The following IRS2 variants were observed in gnomAD, a reference collection of about 807,000 sequenced individuals.
IRS2 encodes insulin receptor substrate 2.
In IRS2, 28 loss-of-function variants were observed where a neutral mutation model predicts 70.9. The observed-to-expected ratio is 0.39, with a 90% CI of 0.29 to 0.54. IRS2 has a LOEUF of 0.54. Ranked by LOEUF, IRS2 falls within the 20% of genes least tolerant of loss-of-function variation. The pLI, the probability that IRS2 is intolerant of heterozygous loss-of-function variation, is 0.59. For missense variants in IRS2, 2,081 were observed against 2,024.1 expected, an observed-to-expected ratio of 1.03 and a Z score of -0.54; for synonymous variants, 1,217 against 981.9, an observed-to-expected ratio of 1.24 and a Z score of -4.48.
chr13:109,757,511 A>G (rs1877132346), intron 1 of IRS2, among the ~76,000 whole-genome samples: 1 of 152,152 alleles, frequency 6.6e-6, no homozygotes, highest in Non-Finnish European at 1.5e-5. Flanking sequence ...TGAAGCTGAG[A>G]GTGAGTCCCT....
In IRS2 at chr13:109,783,397, C is replaced by A. The variant is rs750437142; in HGVS notation, c.2657G>T (p.Arg886Leu). Reference protein sequence around the residue: ...RPEGFLGQRGRAVRPTRLSLE... With the variant: ...RPEGFLGQRGLAVRPTRLSLE... ...GGACAGGCGCGTGGGCCTCACCGCC[C>A]GGCCGCGCTGGCCCAAGAAGCCCTC... Residue 886 changes from arginine (R) to leucine (L), a missense_variant, in exon 1 of 2, where the codon CGG becomes CTG. Arg to Leu is a moderately radical substitution (Grantham distance 102). This residue lies in a region of IRS2 where 1,615 missense variants were observed against 1,459.5 expected (regional missense o/e 1.11). Transcript: ENST00000375856. 4.0e-5 allele frequency: 60 copies of A among 1,482,304 alleles called. No homozygotes were observed. In the South Asian group the frequency reaches 7.6e-4, roughly 19 times the overall value. The allele number at this position is 1,482,304 out of a possible 1,614,324, so 91.8% of individuals were successfully genotyped here. A position where few individuals can be genotyped will look rare whatever the true frequency, so the allele number is the denominator to read the frequency against.
At position 109,782,941 on chromosome 13, in the gene IRS2, G is replaced by C. The variant is rs2138931139; in HGVS notation, c.3113C>G (p.Pro1038Arg). The C allele has an allele frequency of 6.8e-7, 1 of 1,461,070 alleles. No homozygotes were observed. Among genetic ancestry groups the C allele is most frequent in the Non-Finnish European group, 9.0e-7 (1 of 1,109,940 alleles). 90.5% of individuals were successfully genotyped at this position (1,461,070 alleles called of 1,614,324 possible). ...SLQPPPPPPAPGELYRLPPAS... is the reference protein window; with the variant it reads ...SLQPPPPPPARGELYRLPPAS... ...GGGGGGCAGGCGGTACAGCTCCCCCGGGGCCGGCGGCGGTGGCGGCGGCTG... is the reference window on the plus strand; with the variant it reads ...GGGGGGCAGGCGGTACAGCTCCCCCCGGGCCGGCGGCGGTGGCGGCGGCTG... Residue 1038 changes from proline to arginine, a missense_variant, in exon 1 of 2, where the codon CCG becomes CGG. By Grantham distance (103) the Pro-to-Arg change is moderately radical (BLOSUM62 -2). This residue lies in a region of IRS2 where 1,615 missense variants were observed against 1,459.5 expected (regional missense o/e 1.11). Coordinates refer to ENST00000375856, the MANE Select transcript of IRS2 (RefSeq NM_003749.3).
chr13:109,772,173 G>A (rs928736591), intron 1 of IRS2, among the ~76,000 whole-genome samples: 1 of 152,202 alleles, frequency 6.6e-6, no homozygotes, highest in Non-Finnish European at 1.5e-5. Context: ...GGCTTCTGCC[G>A]CAGACCCGGG....
rs1255092832 is a variant in IRS2 at position 109,786,043 on chromosome 13, G to T, written c.11C>A (p.Pro4Gln). 2 of 1,293,502 alleles carry T rather than the reference G, an allele frequency of 1.5e-6. No individual in the cohort carries two copies. Among genetic ancestry groups the T allele is most frequent in the East Asian group, 3.3e-5 (1 of 30,148 alleles). The allele number at this position is 1,293,502 out of a possible 1,614,324, so 80.1% of individuals were successfully genotyped here. A position where few individuals can be genotyped will look rare whatever the true frequency, so the allele number is the denominator to read the frequency against. ...CGGCCCGGGCGGCCCGTGCCGCGGC[G>T]GGCTCGCCATCGCGGGCGCTTCAGG... MAS[P>Q]PRHGPPGPAS... is the part of the protein sequence containing the mutation. Residue 4 changes from proline to glutamine, a missense_variant, in exon 1 of 2, where the codon CCG (proline) becomes CAG (glutamine). By Grantham distance (76) the Pro-to-Gln change is moderately conservative (BLOSUM62 -1). Transcript: ENST00000375856. The surrounding 1 kb of genome is among the most constrained non-coding windows in gnomAD (Gnocchi z 4.4).
rs1877090626 is a variant in IRS2 at position 109,755,658 on chromosome 13, G to C, written c.*646C>G. 5.0e-6 allele frequency: 1 copy of C among 201,794 alleles called. No individual in the cohort carries two copies. Among genetic ancestry groups the C allele is most frequent in the Admixed American group, 6.0e-5 (1 of 16,596 alleles). The allele number at this position is 201,794 out of a possible 1,614,324, so 12.5% of individuals were successfully genotyped here. ...CCAAATTTCACTTCCATTGAGAAAT[G>C]TCAGTCCCACACTGGGCTCGGTGTG... On this transcript the variant is annotated 3_prime_UTR_variant, in exon 2 of 2. Transcript: ENST00000375856.
Position 109,786,142 on chromosome 13 carries a change from C to T in IRS2, c.-89G>A. Reference sequence around the variant, plus strand: ...GGGCGCGGGCGGGGGCGGCTCCCTCCCACCCTTGCGCCCGGCCGCCCGCCC... The same window carrying T: ...GGGCGCGGGCGGGGGCGGCTCCCTCTCACCCTTGCGCCCGGCCGCCCGCCC... On this transcript the variant is annotated 5_prime_UTR_variant, in exon 1 of 2. Coordinates refer to ENST00000375856, the MANE Select transcript of IRS2 (RefSeq NM_003749.3). This position sits in a 1 kb window ranked among gnomAD's most constrained non-coding sequence, Gnocchi z 4.4. The T allele has an allele frequency of 1.3e-6, 1 of 768,884 alleles. No homozygotes were observed. The highest frequency in any genetic ancestry group is 5.8e-5 in the South Asian group (1 of 17,224). 47.6% of individuals were successfully genotyped at this position (768,884 alleles called of 1,614,324 possible). A position where few individuals can be genotyped will look rare whatever the true frequency, so the allele number is the denominator to read the frequency against.
chr13:109,753,974 T>C lies in IRS2; in HGVS notation c.*2330A>G, dbSNP rs1877049771. The C allele has an allele frequency of 8.6e-6, 2 of 232,384 alleles. No individual in the cohort carries two copies. The highest frequency in any genetic ancestry group is 5.6e-5 in the Admixed American group (1 of 17,760). 14.4% of individuals were successfully genotyped at this position (232,384 alleles called of 1,614,324 possible). A position where few individuals can be genotyped will look rare whatever the true frequency, so the allele number is the denominator to read the frequency against. The stretch of plus-strand genomic sequence containing the variant: ...TCCAGCAGCATCACATTGACCCCTA[T>C]ATACAGCGTGTACAGTGGAAGACAG... On this transcript the variant is annotated 3_prime_UTR_variant, in exon 2 of 2. Transcript: ENST00000375856.
intron 1 of IRS2, among the ~76,000 whole-genome samples, chr13:109,779,016 A>G (rs1329308125): frequency 7.3e-6 from 1 of 137,714 alleles, no homozygotes; most frequent in Non-Finnish European, 1.7e-5. Flanking sequence ...CACCAAAAAC[A>G]CATGATAAGT....
Position 109,785,624 on chromosome 13 carries a change from T to C in IRS2, c.430A>G (p.Ser144Gly), listed in dbSNP as rs1157501127. 3 of 1,493,952 alleles carry C rather than the reference T, an allele frequency of 2.0e-6. No individual in the cohort carries two copies. Among genetic ancestry groups the C allele is most frequent in the South Asian group, 1.3e-5 (1 of 79,006 alleles). 92.5% of individuals were successfully genotyped at this position (1,493,952 alleles called of 1,614,324 possible). A position where few individuals can be genotyped will look rare whatever the true frequency, so the allele number is the denominator to read the frequency against. The change falls in exon 1 of 2, where the codon AGC becomes GGC. Residue 144 changes from serine (S) to glycine (G), a missense_variant. Physicochemically the swap from Ser to Gly is moderately conservative, Grantham distance 56 (BLOSUM62 0). Around this residue, in one of 4 missense-constraint regions of IRS2, gnomAD observed 320 missense variants for 352.9 expected, o/e 0.91. Coordinates refer to ENST00000375856, the MANE Select transcript of IRS2 (RefSeq NM_003749.3). This position sits in a 1 kb window ranked among gnomAD's most constrained non-coding sequence, Gnocchi z 9.3. ...GWYRALTDLV[S>G]EGRAAAGDAP... ...TCTCCGGCGGCCGCGCGGCCCTCGC[T>C]GACCAGGTCGGTGAGCGCGCGGTAC...
chr13:109,780,951 T>C (rs989576545), intron 1 of IRS2, among the ~76,000 whole-genome samples: 7 of 152,206 alleles, frequency 4.6e-5, no homozygotes, highest in African/African-American at 1.7e-4. Flanking sequence ...TCTCTCCTCA[T>C]GGATATTTGA....
At chr13:109,778,349 A>G (rs1877623894) in intron 1 of IRS2, among the ~76,000 whole-genome samples, 1 of 152,240 alleles carries the variant, frequency 6.6e-6, no homozygotes, top group Non-Finnish European at 1.5e-5. Flanking sequence ...TCTATGAAGT[A>G]CTATTTTTGT....
At chr13:109,775,920 C>T (rs977898814) in intron 1 of IRS2, among the ~76,000 whole-genome samples, 11 of 152,148 alleles carry the variant, frequency 7.2e-5, no homozygotes, top group African/African-American at 1.9e-4. Flanking sequence ...GAGGCTGAGG[C>T]GGGAAGATCA....
At chr13:109,769,325 T>C (rs1215709319) in intron 1 of IRS2, among the ~76,000 whole-genome samples, 1 of 152,236 alleles carries the variant, frequency 6.6e-6, no homozygotes, top group Non-Finnish European at 1.5e-5. Context: ...CTGTGACATG[T>C]GGGCTAACAT....
rs1877813016 is a variant in IRS2 at position 109,783,828 on chromosome 13, G to A, written c.2226C>T (p.Tyr742=). ...GCTTGGAACCGCACCACATGCGCAT[G>A]TACCCACTGTCCTCGGGGGAGCTCT... The part of the protein sequence containing the change: ...PAESSPEDSG[Y]MRMWCGSKLS... The change falls in exon 1 of 2, where the codon TAC becomes TAT. Residue 742 remains tyrosine (Y), a synonymous_variant. Transcript: ENST00000375856. The A allele has an allele frequency of 1.3e-6, 2 of 1,586,506 alleles. No individual in the cohort carries two copies. Among genetic ancestry groups the A allele is most frequent in the East Asian group, 4.6e-5 (2 of 43,156 alleles).
At chr13:109,761,408 A>G (rs1877222387) in intron 1 of IRS2, among the ~76,000 whole-genome samples, 1 of 152,238 alleles carries the variant, frequency 6.6e-6, no homozygotes, top group African/African-American at 2.4e-5. Flanking sequence ...AAGCAAGGAA[A>G]CCTTCCATGA....
At position 109,755,756 on chromosome 13, in the gene IRS2, G is replaced by A. The variant is rs768510155; in HGVS notation, c.*548C>T. On this transcript the variant is annotated 3_prime_UTR_variant, in exon 2 of 2. Transcript: ENST00000375856. ...CTACTTGGACCATTTCAATAAGGCC[G>A]AGGACCGCGCTCCAGACACACAGCG... 20 of 208,446 alleles carry A rather than the reference G, an allele frequency of 9.6e-5. No individual in the cohort carries two copies. Among genetic ancestry groups the A allele is most frequent in the South Asian group, 3.6e-4 (2 of 5,546 alleles). The allele number at this position is 208,446 out of a possible 1,614,324, so 12.9% of individuals were successfully genotyped here.
chr13:109,785,916 G>C lies in IRS2; in HGVS notation c.138C>G (p.Arg46=). 1 of 1,495,400 alleles carries C rather than the reference G, an allele frequency of 6.7e-7. No individual in the cohort carries two copies. The highest frequency in any genetic ancestry group is 8.9e-7 in the Non-Finnish European group (1 of 1,129,452). 92.6% of individuals were successfully genotyped at this position (1,495,400 alleles called of 1,614,324 possible). The change falls in exon 1 of 2, where the codon CGC becomes CGG. Residue 46 remains arginine (R), a synonymous_variant. Coordinates refer to ENST00000375856, the MANE Select transcript of IRS2 (RefSeq NM_003749.3). The surrounding 1 kb of genome is among the most constrained non-coding windows in gnomAD (Gnocchi z 9.3). The stretch of plus-strand genomic sequence containing the variant: ...CGCCGGGTCCGCGCAGCACGAAGAA[G>C]CGCTTGTGGCCATGCTTCTGCTTGC... ...YLRKQKHGHK[R]FFVLRGPGAG...
intron 1 of IRS2, among the ~76,000 whole-genome samples, chr13:109,776,606 G>A (rs1877584909): frequency 6.6e-6 from 1 of 152,056 alleles, no homozygotes; most frequent in Non-Finnish European, 1.5e-5. Context: ...GCAAAATGTT[G>A]GTATACAACA....
chr13:109,778,421 G>T (rs7997595), intron 1 of IRS2, among the ~76,000 whole-genome samples: 6 of 152,178 alleles, frequency 3.9e-5, no homozygotes, highest in East Asian at 1.9e-4. Flanking sequence ...CACGAAAGCC[G>T]GTGTGTGTTT....
Sources: allele counts gnomAD v4.1 joint callset (sites outside exome capture counted in the v4.1 genomes callset), GRCh38; gene constraint gnomAD v4.1.1; regional missense constraint gnomAD v4.1.1; non-coding constraint Gnocchi (gnomAD v3.1); transcripts MANE v1.5; gene names NCBI Gene and HGNC (gene_info 2026-07-23, HGNC 2026-07-21).